Variants in ACOT13 observed in about 807,000 individuals in gnomAD.
ACOT13 encodes acyl-CoA thioesterase 13.
A neutral mutation model predicts 11.8 loss-of-function variants in ACOT13; 10 were observed. The observed-to-expected ratio is 0.85, with a 90% CI of 0.53 to 1.44. ACOT13 has a LOEUF of 1.44. Ranked by LOEUF, ACOT13 falls within the 40% of genes most tolerant of loss-of-function variation. The probability of loss-of-function intolerance (pLI) is 0.00; values close to 1 mark genes in which losing one functional copy is unlikely to be tolerated. For synonymous variants in ACOT13, 53 were observed against 61.0 expected, an observed-to-expected ratio of 0.87 and a Z score of 0.61; for missense variants, 172 against 174.1, an observed-to-expected ratio of 0.99 and a Z score of 0.07.
intron 1 of ACOT13, among the ~76,000 whole-genome samples, chr6:24,680,468 G>A (rs1032145920): frequency 6.6e-6 from 1 of 151,986 alleles, no homozygotes; most frequent in Non-Finnish European, 1.5e-5. Flanking sequence ...GTCATTTTCC[G>A]ATGAGCATTA....
chr6:24,695,792 C>T (rs563299086), intron 1 of ACOT13, among the ~76,000 whole-genome samples: 59 of 152,226 alleles, frequency 3.9e-4, no homozygotes, highest in African/African-American at 1.3e-3. Flanking sequence ...ATAGGCCAGG[C>T]GCGGTGGCTC....
rs761539614 is a variant in ACOT13, at chr6:24,701,626, G to A, written c.*11G>A. On this transcript the variant is annotated 3_prime_UTR_variant, in exon 3 of 3. Transcript: ENST00000230048. ...CACCTGGGAAACTGAGAGAACAGCAGAATGACCTAAAGAAACCCAACAATG... is the reference window on the plus strand; with the variant it reads ...CACCTGGGAAACTGAGAGAACAGCAAAATGACCTAAAGAAACCCAACAATG... The A allele has an allele frequency of 1.4e-5, 23 of 1,602,628 alleles. 1 individual carries two copies. In the South Asian group the frequency reaches 2.6e-4, roughly 18 times the overall value.
Position 24,667,905 on chromosome 6 carries a change from T to C in ACOT13, c.81+561T>C, listed in dbSNP as rs1372705423. 3.3e-5 allele frequency among the ~76,000 whole-genome samples: 5 copies of C among 152,154 alleles called. No homozygotes were observed. The East Asian group carries it at 7.7e-4, about 24-fold the overall frequency. On this transcript the variant is annotated intron_variant, in intron 1 of 2. Transcript: ENST00000230048. ...CACTCACAAAGCCCGAAGGTGTTTG[T>C]TTGTTTTTGTTTTTTTAGGATGAGG...
Position 24,698,035 on chromosome 6 carries a change from A to C in ACOT13, c.234A>C (p.Gly78=). The part of the protein sequence containing the change: ...STMALLCTER[G]APGVSVDMNI... ...TGGCTCTGCTATGCACGGAAAGGGG[A>C]GCACCCGGAGTCAGTGTCGATATGA... is the stretch of plus-strand genomic sequence containing the variant. Residue 78 remains glycine, a synonymous_variant, in exon 2 of 3, where the codon GGA becomes GGC. Coordinates refer to ENST00000230048, the MANE Select transcript of ACOT13 (RefSeq NM_018473.4). The C allele has an allele frequency of 6.2e-7, 1 of 1,610,842 alleles. No individual in the cohort carries two copies.
chr6:24,696,087 AC>A (rs1403737020), intron 1 of ACOT13, among the ~76,000 whole-genome samples: 2 of 152,120 alleles, frequency 1.3e-5, no homozygotes, highest in Non-Finnish European at 2.9e-5. Flanking sequence ...AAAACAAAAA[AC>A]AAAAAACCCA....
rs1562152954 is a variant in ACOT13, at chr6:24,667,358, AG to A, written c.81+18del. On this transcript the variant is annotated intron_variant, in intron 1 of 2. Transcript: ENST00000230048. ...GTTTTGGGAAAGGTATGGGAAAGGT[AG>A]GGGAGAAGCCGTGGCTTCTAATGAA... is the stretch of plus-strand genomic sequence containing the variant. 6.2e-7 allele frequency: 1 copy of A among 1,613,404 alleles called. No individual in the cohort carries two copies. Among genetic ancestry groups the A allele is most frequent in the African/African-American group, 1.3e-5 (1 of 75,058 alleles).
intron 1 of ACOT13, among the ~76,000 whole-genome samples, chr6:24,690,643 C>T (rs1404957149): frequency 4.6e-5 from 7 of 152,226 alleles, no homozygotes; most frequent in Non-Finnish European, 8.8e-5. Flanking sequence ...AAGAGTGTTA[C>T]TTAAGCTTAG....
intron 1 of ACOT13, among the ~76,000 whole-genome samples, chr6:24,691,854 A>C (rs1487831809): frequency 6.6e-6 from 1 of 152,220 alleles, no homozygotes; most frequent in Non-Finnish European, 1.5e-5. Flanking sequence ...TCATAAATTG[A>C]GATACTTTCA....
Position 24,700,504 on chromosome 6 carries a change from C to T in ACOT13, c.267-955C>T, listed in dbSNP as rs1043611833. 8.7e-5 allele frequency among the ~76,000 whole-genome samples: 12 copies of T among 138,246 alleles called. 1 individual carries two copies. The highest frequency in any genetic ancestry group is 2.5e-4 in the African/African-American group (9 of 36,520). 90.7% of individuals were successfully genotyped at this position (138,246 alleles called of 152,430 possible). ...AGGCTGGAGTCCAGTGGCGCGATCT[C>T]GGCTCACTGCAACCTCTGCCTCCTG... On this transcript the variant is annotated intron_variant, in intron 2 of 2. Transcript: ENST00000230048.
At chr6:24,675,234 T>C (rs1778434264) in intron 1 of ACOT13, among the ~76,000 whole-genome samples, 1 of 152,236 alleles carries the variant, frequency 6.6e-6, no homozygotes, top group Non-Finnish European at 1.5e-5. Flanking sequence ...TATAATCCTT[T>C]GGGTATATAC....
intron 1 of ACOT13, among the ~76,000 whole-genome samples, chr6:24,696,295 T>C (rs1778793332): frequency 6.6e-6 from 1 of 152,202 alleles, no homozygotes; most frequent in African/African-American, 2.4e-5. Flanking sequence ...TAGAGGTTAC[T>C]CATATATAGT....
intron 1 of ACOT13, among the ~76,000 whole-genome samples, chr6:24,679,193 C>T (rs531401678): frequency 3.7e-4 from 56 of 152,226 alleles, no homozygotes; most frequent in Non-Finnish European, 6.9e-4. Flanking sequence ...CTCCAAAGTC[C>T]GCTTGCCTGA....
intron 1 of ACOT13, among the ~76,000 whole-genome samples, chr6:24,690,799 A>G (rs3822901): frequency 0.77 from 116,593 of 152,062 alleles, 45,430 homozygotes; most frequent in African/African-American, 0.9. Flanking sequence ...CTCCCTGAGG[A>G]TTAGGGCAAC....
intron 1 of ACOT13, among the ~76,000 whole-genome samples, chr6:24,686,748 T>C (rs1209345800): frequency 2.0e-5 from 3 of 151,850 alleles, no homozygotes; most frequent in Non-Finnish European, 2.9e-5. Flanking sequence ...TCACCCAGGC[T>C]AGAGTACAGT....
chr6:24,698,084 T>C lies in ACOT13; in HGVS notation c.266+17T>C. On this transcript the variant is annotated intron_variant, in intron 2 of 2. Coordinates refer to ENST00000230048, the MANE Select transcript of ACOT13 (RefSeq NM_018473.4). ...GAACATAACGTATGTATCCAAACTG[T>C]ATTCCAAATCCCTTCTGTGTGATAA... is the stretch of plus-strand genomic sequence containing the variant. 1 of 1,564,814 alleles carries C rather than the reference T, an allele frequency of 6.4e-7. No individual in the cohort carries two copies. The highest frequency in any genetic ancestry group is 8.7e-7 in the Non-Finnish European group (1 of 1,154,608).
At position 24,695,035 on chromosome 6, in the gene ACOT13, G is replaced by A. The variant is rs147543464; in HGVS notation, c.82-2848G>A. Among the ~76,000 whole-genome samples, 8 of 152,150 alleles carry A rather than the reference G, an allele frequency of 5.3e-5. No homozygotes were observed. The East Asian group carries it at 1.2e-3, about 22-fold the overall frequency. The stretch of plus-strand genomic sequence containing the variant: ...CCTTAAAATACACTTAAACTGAGGC[G>A]CGGTGGCTCATGCCTGTAATCCCAG... On this transcript the variant is annotated intron_variant, in intron 1 of 2. Coordinates refer to ENST00000230048, the MANE Select transcript of ACOT13 (RefSeq NM_018473.4).
intron 1 of ACOT13, among the ~76,000 whole-genome samples, chr6:24,685,168 A>C (rs1212951724): frequency 6.6e-6 from 1 of 152,172 alleles, no homozygotes; most frequent in East Asian, 1.9e-4. Context: ...TGAACTGTAC[A>C]GATTGATACC....
chr6:24,685,710 CT>C (rs1778618926), intron 1 of ACOT13, among the ~76,000 whole-genome samples: 1 of 151,922 alleles, frequency 6.6e-6, no homozygotes, highest in Non-Finnish European at 1.5e-5. Flanking sequence ...GGTGATTTTG[CT>C]CCCCGAGGGA....
chr6:24,674,560 C>G (rs1778414966), intron 1 of ACOT13, among the ~76,000 whole-genome samples: 1 of 151,938 alleles, frequency 6.6e-6, no homozygotes, highest in African/African-American at 2.4e-5. Context: ...AGGCGCCTGC[C>G]ACCACGCCTG....
Sources: gnomAD v4.1 joint callset for allele counts (sites outside exome capture counted in the v4.1 genomes callset) on GRCh38, gnomAD v4.1.1 for gene constraint, MANE v1.5 for transcripts, NCBI Gene and HGNC (gene_info 2026-07-23, HGNC 2026-07-21) for gene names.